Variants in GAPDHS observed in about 807,000 individuals in gnomAD.
GAPDHS encodes glyceraldehyde-3-phosphate dehydrogenase, spermatogenic.
In GAPDHS, 42 loss-of-function variants were observed where a neutral mutation model predicts 48.7. The ratio of observed to expected loss-of-function variants is 0.86; its 90% CI spans 0.67 to 1.12. GAPDHS has a LOEUF of 1.12. Ranked by LOEUF, GAPDHS falls within the 50% of genes most tolerant of loss-of-function variation. The pLI, the probability that GAPDHS is intolerant of heterozygous loss-of-function variation, is 0.00. For missense variants in GAPDHS, 512 were observed against 557.7 expected (o/e 0.92, Z 0.82); for synonymous variants, 166 against 219.1 (o/e 0.76, Z 2.14).
Position 35,542,356 on chromosome 19 carries a change from A to G in GAPDHS, c.487A>G (p.Ser163Gly). 1 of 1,613,174 alleles carries G rather than the reference A, an allele frequency of 6.2e-7. No homozygotes were observed. The highest frequency in any genetic ancestry group is 8.5e-7 in the Non-Finnish European group (1 of 1,179,812). Reference sequence around the variant, plus strand: ...ACAGATCCCCTGGAGGGCTGTCGGGAGCCCCTACGTGGTGGAGTCCACAGG... The same window carrying G: ...ACAGATCCCCTGGAGGGCTGTCGGGGGCCCCTACGTGGTGGAGTCCACAGG... ...PKQIPWRAVGSPYVVESTGVY... is the reference protein window; with the variant it reads ...PKQIPWRAVGGPYVVESTGVY... The change falls in exon 5 of 11, where the codon AGC (serine) becomes GGC (glycine). Residue 163 changes from serine (S) to glycine (G), a missense_variant. By Grantham distance (56) the Ser-to-Gly change is moderately conservative. Transcript: ENST00000222286.
At position 35,543,190 on chromosome 19, in the gene GAPDHS, C is replaced by T. The variant is rs1481877047; in HGVS notation, c.742-150C>T. 2.5e-5 allele frequency: 27 copies of T among 1,068,026 alleles called. No homozygotes were observed. In the Admixed American group the frequency reaches 4.1e-4, roughly 16 times the overall value. The allele number at this position is 1,068,026 out of a possible 1,614,324, so 66.2% of individuals were successfully genotyped here. The stretch of plus-strand genomic sequence containing the variant: ...AACACTGTGCAACCCTCAGGCAAGG[C>T]TGGACCCTGGCCTGCACACATCCCC... On this transcript the variant is annotated intron_variant, in intron 7 of 10. Coordinates refer to ENST00000222286, the MANE Select transcript of GAPDHS (RefSeq NM_014364.5).
At position 35,538,567 on chromosome 19, in the gene GAPDHS, TC is replaced by T; in HGVS notation, c.343-5del. ...CACCCCAAGACTAGGAGCCATTCCA[TC>T]CCCCACAGGTGTACATGTTTAAGTA... is the stretch of plus-strand genomic sequence containing the variant. On this transcript the variant is annotated splice_polypyrimidine_tract_variant and intron_variant, in intron 3 of 10. Coordinates refer to ENST00000222286, the MANE Select transcript of GAPDHS (RefSeq NM_014364.5). 1 of 1,549,332 alleles carries T rather than the reference TC, an allele frequency of 6.5e-7. No individual in the cohort carries two copies. The highest frequency in any genetic ancestry group is 8.9e-7 in the Non-Finnish European group (1 of 1,121,432).
At position 35,537,016 on chromosome 19, in the gene GAPDHS, G is replaced by A. The variant is rs761441896; in HGVS notation, c.245+26G>A. 12 of 1,578,264 alleles carry A rather than the reference G, an allele frequency of 7.6e-6. No homozygotes were observed. In the East Asian group the frequency reaches 2.7e-4, roughly 36 times the overall value. ...GTGAGTCTACTCCAGCCCCTGATCAGTCTGAAGCCTTAGAGCCCAGCCCCT... is the reference window on the plus strand; with the variant it reads ...GTGAGTCTACTCCAGCCCCTGATCAATCTGAAGCCTTAGAGCCCAGCCCCT... On this transcript the variant is annotated intron_variant, in intron 2 of 10. Coordinates refer to ENST00000222286, the MANE Select transcript of GAPDHS (RefSeq NM_014364.5).
rs757472989 is a variant in GAPDHS, at chr19:35,543,404, G to A, written c.806G>A (p.Arg269Gln). The A allele has an allele frequency of 9.9e-6, 16 of 1,611,964 alleles. No individual in the cohort carries two copies. Among genetic ancestry groups the A allele is most frequent in the Middle Eastern group, 1.6e-4 (1 of 6,072 alleles). The change falls in exon 8 of 11, where the codon CGA becomes CAA. Residue 269 changes from arginine (R) to glutamine (Q), a missense_variant. Coordinates refer to ENST00000222286, the MANE Select transcript of GAPDHS (RefSeq NM_014364.5). The stretch of plus-strand genomic sequence containing the variant: ...GACGGGCCATCAAGGAAGGCCTGGC[G>A]AGATGGGCGGGGTGCCCACCAGAAC... ...TVDGPSRKAW[R>Q]DGRGAHQNII...
At chr19:35,541,533 C>G (rs144146309) in intron 4 of GAPDHS, 1 of 151,120 alleles carries the variant, frequency 6.6e-6, no homozygotes, top group Non-Finnish European at 1.5e-5. Context: ...GGAAACAGAC[C>G]GACACTGGCC....
At chr19:35,533,837 G>T (rs978572962) in intron 1 of GAPDHS, among the ~76,000 whole-genome samples, 1 of 152,202 alleles carries the variant, frequency 6.6e-6, no homozygotes, top group South Asian at 2.1e-4. Flanking sequence ...CCGCTATCAC[G>T]CGGTAGAAAG....
At chr19:35,544,604 C>T in intron 9 of GAPDHS, 1 of 406,308 alleles carries the variant, frequency 2.5e-6, no homozygotes, top group Non-Finnish European at 4.6e-6. Context: ...AGGCTCATGG[C>T]CACCCCTCAG....
rs375416713 is a variant in GAPDHS at position 35,533,585 on chromosome 19, C to A, written c.58C>A (p.Pro20Thr). The part of the protein sequence containing the change: ...NVTVVQLLRQ[P>T]CPVTRAPPPP... ...CACCGTTGTCCAGTTGCTGCGACAG[C>A]CGTGCCCGGGTGAGGGAGGCAGCGG... The change falls in exon 1 of 11, where the codon CCG (proline) becomes ACG (threonine). Residue 20 changes from proline (P) to threonine (T), a missense_variant. Transcript: ENST00000222286. 18 of 1,611,500 alleles carry A rather than the reference C, an allele frequency of 1.1e-5. No individual in the cohort carries two copies. Among genetic ancestry groups the A allele is most frequent in the Non-Finnish European group, 1.4e-5 (16 of 1,179,214 alleles).
rs992781792 is a variant in GAPDHS at position 35,542,365 on chromosome 19, G to A, written c.496G>A (p.Val166Met). Residue 166 changes from valine (V) to methionine (M), a missense_variant, in exon 5 of 11, where the codon GTG (valine) becomes ATG (methionine). Coordinates refer to ENST00000222286, the MANE Select transcript of GAPDHS (RefSeq NM_014364.5). Reference sequence around the variant, plus strand: ...CTGGAGGGCTGTCGGGAGCCCCTACGTGGTGGAGTCCACAGGCGTGTACCT... The same window carrying A: ...CTGGAGGGCTGTCGGGAGCCCCTACATGGTGGAGTCCACAGGCGTGTACCT... ...IPWRAVGSPY[V>M]VESTGVYLSI... 2.8e-5 allele frequency: 45 copies of A among 1,613,302 alleles called. No homozygotes were observed. Among genetic ancestry groups the A allele is most frequent in the Non-Finnish European group, 3.4e-5 (40 of 1,179,842 alleles).
At chr19:35,536,300 C>T (rs1388930154) in intron 1 of GAPDHS, among the ~76,000 whole-genome samples, 1 of 151,998 alleles carries the variant, frequency 6.6e-6, no homozygotes, top group Non-Finnish European at 1.5e-5. Flanking sequence ...CATACCCCGG[C>T]CAGGCGCAGT....
At position 35,543,863 on chromosome 19, in the gene GAPDHS, C is replaced by T. The variant is rs1028142711; in HGVS notation, c.1056+36C>T. 2.6e-6 allele frequency: 4 copies of T among 1,547,786 alleles called. No homozygotes were observed. The African/African-American group carries it at 5.5e-5, about 21-fold the overall frequency. ...AGGAGAGGAGACCCTGGGAGGAGCC[C>T]TCTGGGAAGGGACATGATTTCCACT... On this transcript the variant is annotated intron_variant, in intron 9 of 10. Transcript: ENST00000222286.
chr19:35,537,813 G>A (rs552993631), intron 2 of GAPDHS, among the ~76,000 whole-genome samples: 1 of 152,062 alleles, frequency 6.6e-6, no homozygotes, highest in Non-Finnish European at 1.5e-5. Flanking sequence ...AGTGGCTCAC[G>A]CCTGTAATCC....
At chr19:35,544,006 G>A (rs2071526137) in intron 9 of GAPDHS, 179 bp downstream of exon 9, 2 of 1,202,730 alleles carry the variant, frequency 1.7e-6, no homozygotes, top group Admixed American at 3.2e-5. Flanking sequence ...TCCCTTGCCA[G>A]GTGACCATAC....
intron 1 of GAPDHS, among the ~76,000 whole-genome samples, chr19:35,535,425 G>A (rs2071459285): frequency 6.6e-6 from 1 of 151,884 alleles, no homozygotes; most frequent in Non-Finnish European, 1.5e-5. Flanking sequence ...CGCTCTTGTT[G>A]CCCAGGCTGG....
chr19:35,533,618 G>C (rs780929683), intron 1 of GAPDHS, 24 bp downstream of exon 1: 1 of 1,590,238 alleles, frequency 6.3e-7, no homozygotes, highest in South Asian at 1.1e-5. Context: ...CGGAGGGCGC[G>C]GGGGAGGGGT....
At position 35,545,224 on chromosome 19, in the gene GAPDHS, C is replaced by T. The variant is rs568733766; in HGVS notation, c.*54C>T. On this transcript the variant is annotated 3_prime_UTR_variant, in exon 11 of 11. Transcript: ENST00000222286. ...GGGGCCGGGGCCGGAACATGTGCCT[C>T]CCGTTCCAGCATCTGGCTGCCCGGG... 5.5e-3 allele frequency: 8,054 copies of T among 1,459,284 alleles called. 27 individuals are homozygous for T. Among genetic ancestry groups the T allele is most frequent in the Non-Finnish European group, 6.9e-3 (7,131 of 1,039,178 alleles). The allele number at this position is 1,459,284 out of a possible 1,614,324, so 90.4% of individuals were successfully genotyped here.
At chr19:35,543,572 G>A (rs1423221906) in intron 8 of GAPDHS, 81 bp downstream of exon 8, 1 of 1,573,174 alleles carries the variant, frequency 6.4e-7, no homozygotes, top group Non-Finnish European at 8.6e-7. Context: ...TCCTTAAGAG[G>A]AAAGCAGGGG....
In GAPDHS at chr19:35,544,947, CA is replaced by C. The variant is rs766227036; in HGVS notation, c.1096del (p.Ile366SerfsTer15). ...ACTTCCTCGGTGATACCCACTCGTC[CA>C]TCTTCGATGCTAAGGCCGGCATTGC... ...TDFLGDTHSS[I>X]FDAKAGIALN... On this transcript the variant is annotated frameshift_variant, in exon 10 of 11. Transcript: ENST00000222286. LOFTEE classifies it high-confidence loss of function. 3 of 1,613,658 alleles carry C rather than the reference CA, an allele frequency of 1.9e-6. No homozygotes were observed. The African/African-American group carries it at 4.0e-5, about 22-fold the overall frequency.
At chr19:35,533,672 T>C (rs1223657256) in intron 1 of GAPDHS, 78 bp downstream of exon 1, 3 of 1,105,348 alleles carry the variant, frequency 2.7e-6, no homozygotes, top group Non-Finnish European at 4.0e-6. Flanking sequence ...ACCTGTGCCG[T>C]ATCCCTACCG....
Sources: allele counts gnomAD v4.1 joint callset (sites outside exome capture counted in the v4.1 genomes callset), GRCh38; gene constraint gnomAD v4.1.1; transcripts MANE v1.5; gene names NCBI Gene and HGNC (gene_info 2026-07-23, HGNC 2026-07-21).